Variants in MALRD1 observed in about 807,000 individuals in gnomAD.
The protein encoded by MALRD1 is MAM and LDL receptor class A domain containing 1, also known as MAM and LDL-receptor class A domain-containing protein 1.
MALRD1 carries 247 observed loss-of-function variants against 242.1 expected under a neutral mutation model. The observed-to-expected ratio is 1.02, with a 90% CI of 0.92 to 1.13. MALRD1 has a LOEUF of 1.13. MALRD1 is among the 50% of genes most tolerant of loss of function. The pLI is 0.00. For synonymous variants in MALRD1, 995 were observed against 866.6 expected, an observed-to-expected ratio of 1.15 and a Z score of -2.60; for missense variants, 2,989 against 2,533.1, an observed-to-expected ratio of 1.18 and a Z score of -3.86.
At chr10:19,318,962 C>T (rs917393990) in intron 21 of MALRD1, among the ~76,000 whole-genome samples, 35 of 88,794 alleles carry the variant, frequency 3.9e-4, no homozygotes, top group African/African-American at 1.3e-3. Context: ...CATATAATAA[C>T]GTACACAGAC....
chr10:19,237,589 TA>T (rs1319773101), intron 18 of MALRD1, among the ~76,000 whole-genome samples: 13 of 9,176 alleles, frequency 1.4e-3, no homozygotes, highest in Admixed American at 0.013. Context: ...TATAATTATA[TA>T]ATTATATAAT....
intron 33 of MALRD1, among the ~76,000 whole-genome samples, chr10:19,572,596 C>T (rs776095841): frequency 6.6e-6 from 1 of 152,146 alleles, no homozygotes; most frequent in Non-Finnish European, 1.5e-5. Context: ...AGAATAGTAT[C>T]TCCTCAAAAA....
At chr10:19,473,727 A>G (rs542340675) in intron 29 of MALRD1, among the ~76,000 whole-genome samples, 7 of 152,182 alleles carry the variant, frequency 4.6e-5, no homozygotes, top group Non-Finnish European at 7.4e-5. Flanking sequence ...TTATCTGTTA[A>G]TGGACACTTG....
intron 26 of MALRD1, among the ~76,000 whole-genome samples, chr10:19,353,194 A>T (rs1236784979): frequency 6.6e-6 from 1 of 151,838 alleles, no homozygotes; most frequent in Non-Finnish European, 1.5e-5. Flanking sequence ...TTTTGCAGAG[A>T]TGGGGTCTCA....
intron 36 of MALRD1, among the ~76,000 whole-genome samples, chr10:19,648,342 A>G (rs77973990): frequency 9.1e-4 from 138 of 152,338 alleles, no homozygotes; most frequent in African/African-American, 3.2e-3. Context: ...ACCCCAGAAT[A>G]AGGCCTATTC....
intron 36 of MALRD1, among the ~76,000 whole-genome samples, chr10:19,680,614 C>A (rs912710786): frequency 1.3e-5 from 2 of 152,042 alleles, no homozygotes; most frequent in African/African-American, 4.8e-5. Flanking sequence ...TGTCTTTTAA[C>A]TGGGGCATTT....
intron 38 of MALRD1, among the ~76,000 whole-genome samples, chr10:19,719,195 C>CGT (rs1834583106): frequency 5.3e-5 from 1 of 18,798 alleles, no homozygotes; most frequent in Admixed American, 7.4e-4. Flanking sequence ...TATATACATA[C>CGT]ATATATATAT....
At chr10:19,629,633 CTG>C (rs1272889626) in intron 36 of MALRD1, among the ~76,000 whole-genome samples, 2 of 152,148 alleles carry the variant, frequency 1.3e-5, no homozygotes, top group East Asian at 3.9e-4. Context: ...TCTTTCTTTG[CTG>C]TGTGTGATGT....
chr10:19,292,080 C>CAAAAAAA lies in MALRD1; in HGVS notation c.3419+8915_3419+8921dup, dbSNP rs756211363. ...CCTGGATGACAGAGCAAGACCGTCT[C>CAAAAAAA]AAAAAAAAAAAAAAAAAAAAAATCA... On this transcript the variant is annotated intron_variant, in intron 21 of 39. Coordinates refer to ENST00000454679, the MANE Select transcript of MALRD1 (RefSeq NM_001142308.3). Among the ~76,000 whole-genome samples, 21 of 88,014 alleles carry CAAAAAAA rather than the reference C, an allele frequency of 2.4e-4. 1 individual carries two copies. Among genetic ancestry groups the CAAAAAAA allele is most frequent in the East Asian group, 1.0e-3 (3 of 2,858 alleles). 57.7% of individuals were successfully genotyped at this position (88,014 alleles called of 152,430 possible). A position where few individuals can be genotyped will look rare whatever the true frequency, so the allele number is the denominator to read the frequency against.
At chr10:19,539,897 T>TGTGTGTGTGCGC (rs1365113182) in intron 32 of MALRD1, among the ~76,000 whole-genome samples, 12 of 44,418 alleles carry the variant, frequency 2.7e-4, no homozygotes, top group East Asian at 1.6e-3. Flanking sequence ...TGTGTGTGTG[T>TGTGTGTGTGCGC]GCGCGCGCGC....
chr10:19,475,873 A>G lies in MALRD1; in HGVS notation c.5030-15644A>G, dbSNP rs1393975679. On this transcript the variant is annotated intron_variant, in intron 29 of 39. Transcript: ENST00000454679. ...CTCTTATTCTTCATTAAAGCACATT[A>G]ATGTTATCAAAATCAAAGAGATTCT... Among the ~76,000 whole-genome samples the G allele has an allele frequency of 2.0e-5, 3 of 152,178 alleles. No homozygotes were observed. In the East Asian group the frequency reaches 5.8e-4, roughly 29 times the overall value.
At chr10:19,149,957 T>C (rs1005746425) in intron 11 of MALRD1, among the ~76,000 whole-genome samples, 5 of 152,180 alleles carry the variant, frequency 3.3e-5, no homozygotes, top group Admixed American at 2.0e-4. Flanking sequence ...TGATTCTGCC[T>C]TCTTTCAATT....
intron 26 of MALRD1, 57 bp from the exon 27 acceptor site, chr10:19,387,471 C>A: frequency 6.7e-7 from 1 of 1,497,780 alleles, no homozygotes; most frequent in Non-Finnish European, 8.9e-7. Context: ...GCTTTTTGAC[C>A]TCACTGAATG....
At chr10:19,238,468 A>ACATTATATATT (rs373763200) in intron 18 of MALRD1, among the ~76,000 whole-genome samples, 1 of 38,064 alleles carries the variant, frequency 2.6e-5, no homozygotes, top group Non-Finnish European at 3.9e-5. Context: ...TATATAATAT[A>ACATTATATATT]ATATATAATA....
intron 20 of MALRD1, among the ~76,000 whole-genome samples, chr10:19,282,100 T>A (rs1319327593): frequency 6.7e-6 from 1 of 150,246 alleles, no homozygotes; most frequent in African/African-American, 2.5e-5. Context: ...TCATCTTGCT[T>A]GACATGTTAT....
At chr10:19,470,670 C>G (rs775799914) in intron 29 of MALRD1, among the ~76,000 whole-genome samples, 8 of 151,916 alleles carry the variant, frequency 5.3e-5, no homozygotes, top group Non-Finnish European at 7.4e-5. Context: ...TTGTATTTCT[C>G]TAATGATTAG....
chr10:19,218,443 G>A (rs530790069), intron 18 of MALRD1, among the ~76,000 whole-genome samples: 113 of 152,174 alleles, frequency 7.4e-4, no homozygotes, highest in African/African-American at 2.3e-3. Context: ...TTAGTTCTCT[G>A]TGCTTCAGAA....
chr10:19,612,318 T>C (rs752012945), intron 35 of MALRD1, among the ~76,000 whole-genome samples: 1 of 151,908 alleles, frequency 6.6e-6, no homozygotes, highest in Admixed American at 6.6e-5. Context: ...GGTATGGAGC[T>C]CCTTACTCTC....
At chr10:19,611,518 A>G (rs955117938) in intron 35 of MALRD1, among the ~76,000 whole-genome samples, 10 of 152,052 alleles carry the variant, frequency 6.6e-5, no homozygotes, top group South Asian at 4.1e-4. Flanking sequence ...ATTGGCCTCC[A>G]TACACATATT....
Sources: gnomAD v4.1 joint callset for allele counts (sites outside exome capture counted in the v4.1 genomes callset) on GRCh38, gnomAD v4.1.1 for gene constraint, MANE v1.5 for transcripts, NCBI Gene and HGNC (gene_info 2026-07-23, HGNC 2026-07-21) for gene names.